The following ASIC2 variants were observed in gnomAD, a reference collection of about 807,000 sequenced individuals.
The protein encoded by ASIC2 is acid-sensing ion channel 2.
Under a neutral mutation model 57.3 loss-of-function variants are expected in ASIC2, and 25 were observed. The ratio of observed to expected loss-of-function variants is 0.44; its 90% CI spans 0.32 to 0.61. ASIC2 has a LOEUF of 0.61. Among genes scored for constraint, ASIC2 ranks in the 20% least tolerant of loss-of-function variants. The pLI, the probability that ASIC2 is intolerant of heterozygous loss-of-function variation, is 0.06. For missense variants in ASIC2, 641 were observed against 738.1 expected, an observed-to-expected ratio of 0.87 and a Z score of 1.52; for synonymous variants, 319 against 307.5, an observed-to-expected ratio of 1.04 and a Z score of -0.39.
At chr17:33,402,073 T>G (rs925529295) in intron 1 of ASIC2, among the ~76,000 whole-genome samples, 8 of 152,136 alleles carry the variant, frequency 5.3e-5, no homozygotes, top group Non-Finnish European at 1.2e-4. Flanking sequence ...AAGATCTCCT[T>G]TGGATGTTTG....
intron 1 of ASIC2, among the ~76,000 whole-genome samples, chr17:34,033,375 G>C (rs1907710514): frequency 6.6e-6 from 1 of 151,840 alleles, no homozygotes; most frequent in African/African-American, 2.4e-5. Flanking sequence ...GTGTGTAGAG[G>C]GAAATTTATA....
intron 1 of ASIC2, chr17:34,006,402 G>T (rs1419780421): frequency 2.6e-5 from 4 of 152,334 alleles, no homozygotes; most frequent in Non-Finnish European, 5.9e-5. Flanking sequence ...GATGGGCAGA[G>T]TGTGGATTCA....
At chr17:34,095,670 TAGAGAGAGAG>T (rs796583537) in intron 1 of ASIC2, among the ~76,000 whole-genome samples, 3 of 92,766 alleles carry the variant, frequency 3.2e-5, no homozygotes, top group Non-Finnish European at 6.8e-5. Flanking sequence ...TATATATATA[TAGAGAGAGAG>T]ATATATATAA....
intron 1 of ASIC2, among the ~76,000 whole-genome samples, chr17:33,890,037 C>T (rs1481609627): frequency 1.3e-5 from 2 of 152,132 alleles, no homozygotes; most frequent in African/African-American, 4.8e-5. Flanking sequence ...ATTTCTCTCT[C>T]TAAAGGTGCA....
intron 1 of ASIC2, among the ~76,000 whole-genome samples, chr17:33,719,444 C>T (rs946034192): frequency 6.6e-6 from 1 of 152,190 alleles, no homozygotes; most frequent in Non-Finnish European, 1.5e-5. Flanking sequence ...AGAGCTACTG[C>T]CTGAAGATTA....
intron 1 of ASIC2, among the ~76,000 whole-genome samples, chr17:33,682,058 A>ATATTTTTT (rs1476727085): frequency 1.1e-5 from 1 of 92,228 alleles, no homozygotes; most frequent in Non-Finnish European, 2.0e-5. Flanking sequence ...CATCAGTGAC[A>ATATTTTTT]TCTTTTTTTT....
intron 1 of ASIC2, among the ~76,000 whole-genome samples, chr17:33,576,211 G>A (rs560976717): frequency 1.3e-5 from 2 of 152,230 alleles, no homozygotes; most frequent in East Asian, 1.9e-4. Context: ...TGACTAGATC[G>A]TGCCCCTGAT....
intron 1 of ASIC2, among the ~76,000 whole-genome samples, chr17:33,737,404 T>G (rs1382471893): frequency 6.6e-6 from 1 of 152,270 alleles, no homozygotes; most frequent in East Asian, 1.9e-4. Flanking sequence ...CAACATTCTT[T>G]GTAGGACCTC....
At chr17:33,418,963 G>T (rs1597721893) in intron 1 of ASIC2, among the ~76,000 whole-genome samples, 1 of 150,468 alleles carries the variant, frequency 6.6e-6, no homozygotes. Context: ...GGGGTGGGGG[G>T]CTGGGGGAGG....
At chr17:33,906,222 G>A (rs1010733932) in intron 1 of ASIC2, among the ~76,000 whole-genome samples, 3 of 152,098 alleles carry the variant, frequency 2.0e-5, no homozygotes, top group African/African-American at 4.8e-5. Flanking sequence ...GGTCTTCTCC[G>A]GGTCTCAGTA....
At chr17:33,848,214 T>A (rs1350662761) in intron 1 of ASIC2, among the ~76,000 whole-genome samples, 2 of 152,176 alleles carry the variant, frequency 1.3e-5, no homozygotes, top group Non-Finnish European at 2.9e-5. Flanking sequence ...AATCCCATTC[T>A]ACTGGAGCTA....
Position 33,557,473 on chromosome 17 carries a change from G to A in ASIC2, c.556-445406C>T, listed in dbSNP as rs569083511. 1.4e-4 allele frequency among the ~76,000 whole-genome samples: 22 copies of A among 152,276 alleles called. No individual in the cohort carries two copies. The South Asian group carries it at 1.7e-3, about 11-fold the overall frequency. On this transcript the variant is annotated intron_variant, in intron 1 of 9. Coordinates refer to the ASIC2 transcript ENST00000359872. ...ACTTTAGGAAGCTCATGGTCTAGGCGTGTAAGTAGATGTTATAAAAGAGAA... is the reference window on the plus strand; with the variant it reads ...ACTTTAGGAAGCTCATGGTCTAGGCATGTAAGTAGATGTTATAAAAGAGAA...
intron 1 of ASIC2, among the ~76,000 whole-genome samples, chr17:33,874,170 G>A (rs1231501118): frequency 6.6e-6 from 1 of 152,146 alleles, no homozygotes; most frequent in African/African-American, 2.4e-5. Flanking sequence ...TGAAAAGAGA[G>A]AATGTTGCCT....
intron 1 of ASIC2, among the ~76,000 whole-genome samples, chr17:33,781,809 C>T (rs776226488): frequency 9.9e-5 from 15 of 152,186 alleles, no homozygotes; most frequent in Non-Finnish European, 1.9e-4. Context: ...GCCTTAAAGA[C>T]ATAATAAGGC....
intron 1 of ASIC2, among the ~76,000 whole-genome samples, chr17:33,213,915 T>C (rs1350342883): frequency 1.3e-5 from 2 of 152,184 alleles, no homozygotes; most frequent in Non-Finnish European, 2.9e-5. Flanking sequence ...CAAGATATGA[T>C]CAATAACCCA....
intron 1 of ASIC2, chr17:34,037,588 T>G: frequency 6.6e-7 from 1 of 1,508,420 alleles, no homozygotes; most frequent in South Asian, 1.3e-5. Flanking sequence ...CCACTTTGTG[T>G]GTGTTGAACA....
intron 1 of ASIC2, among the ~76,000 whole-genome samples, chr17:33,395,151 C>A (rs1004647016): frequency 6.6e-6 from 1 of 151,472 alleles, no homozygotes; most frequent in Non-Finnish European, 1.5e-5. Context: ...TTCCCCCCCA[C>A]CCACTCACCC....
At chr17:33,235,558 T>G (rs1206122917) in intron 1 of ASIC2, among the ~76,000 whole-genome samples, 1 of 152,166 alleles carries the variant, frequency 6.6e-6, no homozygotes, top group Non-Finnish European at 1.5e-5. Context: ...GGAAAGCCCG[T>G]GGGTAACCAT....
chr17:33,463,915 G>T (rs976397466), intron 1 of ASIC2, among the ~76,000 whole-genome samples: 2 of 152,194 alleles, frequency 1.3e-5, no homozygotes, highest in South Asian at 2.1e-4. Flanking sequence ...CATAGGAGGG[G>T]CTTGGGAAGG....
Sources: allele counts gnomAD v4.1 joint callset (sites outside exome capture counted in the v4.1 genomes callset), GRCh38; gene constraint gnomAD v4.1.1; transcripts MANE v1.5; gene names NCBI Gene and HGNC (gene_info 2026-07-23, HGNC 2026-07-21).